The following RPH3AL variants were observed in gnomAD, a reference collection of about 807,000 sequenced individuals.
RPH3AL encodes the protein rab effector Noc2.
In RPH3AL, 38 loss-of-function variants were observed where a neutral mutation model predicts 43.1. That is an observed-to-expected ratio of 0.88 (90% confidence interval 0.68 to 1.15). The LOEUF (loss-of-function observed/expected upper bound fraction) is 1.15, where lower values mean the gene tolerates loss of function less well. Ranked by LOEUF, RPH3AL falls within the 50% of genes most tolerant of loss-of-function variation. RPH3AL has a pLI of 0.00. For synonymous variants in RPH3AL, 189 were observed against 176.3 expected, an observed-to-expected ratio of 1.07 and a Z score of -0.57; for missense variants, 462 against 423.2, an observed-to-expected ratio of 1.09 and a Z score of -0.81.
At chr17:269,308 T>C (rs1485061890) in intron 6 of RPH3AL, among the ~76,000 whole-genome samples, 1 of 152,190 alleles carries the variant, frequency 6.6e-6, no homozygotes, top group East Asian at 1.9e-4. Flanking sequence ...CTGACCTACT[T>C]ATTCTTTTTC....
At chr17:236,237 T>A (rs184512137) in intron 7 of RPH3AL, among the ~76,000 whole-genome samples, 1 of 152,362 alleles carries the variant, frequency 6.6e-6, no homozygotes, top group Non-Finnish European at 1.5e-5. Context: ...TGGGCTTGAA[T>A]GCTGCCATTG....
intron 5 of RPH3AL, among the ~76,000 whole-genome samples, chr17:284,802 G>A (rs2042866335): frequency 6.6e-6 from 1 of 152,212 alleles, no homozygotes. Context: ...AACAACAGAA[G>A]CATGTTTATC....
intron 7 of RPH3AL, among the ~76,000 whole-genome samples, chr17:233,669 C>T (rs1438007650): frequency 2.6e-5 from 4 of 152,204 alleles, no homozygotes; most frequent in East Asian, 3.9e-4. Context: ...TTTCTTGCAA[C>T]AGGCACCCCT....
chr17:315,867 C>T (rs113146406), intron 5 of RPH3AL, among the ~76,000 whole-genome samples: 1 of 8,798 alleles, frequency 1.1e-4, no homozygotes, highest in African/African-American at 2.4e-4. Flanking sequence ...AGTCCCTGTG[C>T]CCCCACCTCC....
chr17:308,353 G>A (rs1471942265), intron 5 of RPH3AL, among the ~76,000 whole-genome samples: 1 of 152,238 alleles, frequency 6.6e-6, no homozygotes, highest in Non-Finnish European at 1.5e-5. Flanking sequence ...TGCTTGTGGG[G>A]ATGTGAAATG....
intron 1 of RPH3AL, among the ~76,000 whole-genome samples, chr17:334,438 C>A (rs1264107396): frequency 1.3e-5 from 2 of 152,146 alleles, no homozygotes; most frequent in African/African-American, 4.8e-5. Flanking sequence ...ACCACCCCAG[C>A]AAGTGCAGCT....
At chr17:311,448 C>T (rs1410845354) in intron 5 of RPH3AL, among the ~76,000 whole-genome samples, 1 of 152,160 alleles carries the variant, frequency 6.6e-6, no homozygotes, top group Non-Finnish European at 1.5e-5. Flanking sequence ...GCCCAGCCTC[C>T]AGGGGCCCAC....
At position 230,733 on chromosome 17, in the gene RPH3AL, T is replaced by C. The variant is rs1022413690; in HGVS notation, c.614-10997A>G. ...CTATGCCCCCTGCCCACGACTTCACTGGGGTGCAGGACGTGCTTTCGGGTG... is the reference window on the plus strand; with the variant it reads ...CTATGCCCCCTGCCCACGACTTCACCGGGGTGCAGGACGTGCTTTCGGGTG... On this transcript the variant is annotated intron_variant, in intron 7 of 9. Coordinates refer to ENST00000331302, the MANE Select transcript of RPH3AL (RefSeq NM_006987.4). Among the ~76,000 whole-genome samples the C allele has an allele frequency of 6.2e-4, 94 of 152,334 alleles. 1 individual carries two copies. Among genetic ancestry groups the C allele is most frequent in the Non-Finnish European group, 2.8e-4 (19 of 68,020 alleles).
At chr17:248,393 T>C (rs2041814612) in intron 6 of RPH3AL, among the ~76,000 whole-genome samples, 1 of 152,144 alleles carries the variant, frequency 6.6e-6, no homozygotes, top group Admixed American at 6.5e-5. Context: ...CAGGAGCCCC[T>C]CTTGACCCTA....
Position 215,840 on chromosome 17 carries a change from C to G in RPH3AL, c.728-38G>C. ...ACGTGTGGGCCCCGTGGATCTCAAA[C>G]CGAGACGGGGTGATCTCAGTCCAGT... On this transcript the variant is annotated intron_variant, in intron 8 of 9. Coordinates refer to ENST00000331302, the MANE Select transcript of RPH3AL (RefSeq NM_006987.4). This position sits in a 1 kb window ranked among gnomAD's most constrained non-coding sequence, Gnocchi z 4.1. 7.7e-7 allele frequency: 1 copy of G among 1,302,832 alleles called. No individual in the cohort carries two copies. Among genetic ancestry groups the G allele is most frequent in the Non-Finnish European group, 9.8e-7 (1 of 1,022,544 alleles). 80.7% of individuals were successfully genotyped at this position (1,302,832 alleles called of 1,614,324 possible). A position where few individuals can be genotyped will look rare whatever the true frequency, so the allele number is the denominator to read the frequency against.
At chr17:308,127 G>A (rs977424549) in intron 5 of RPH3AL, among the ~76,000 whole-genome samples, 2 of 152,240 alleles carry the variant, frequency 1.3e-5, no homozygotes, top group African/African-American at 4.8e-5. Context: ...TTCCACGTCT[G>A]AATTAGGTCA....
At chr17:268,639 C>A (rs1479394808) in intron 6 of RPH3AL, among the ~76,000 whole-genome samples, 3 of 138,990 alleles carry the variant, frequency 2.2e-5, no homozygotes, top group African/African-American at 8.0e-5. Context: ...CGGCTCACTG[C>A]AGCCTCCGCC....
At chr17:291,174 A>C (rs936573150) in intron 5 of RPH3AL, among the ~76,000 whole-genome samples, 3 of 152,194 alleles carry the variant, frequency 2.0e-5, no homozygotes, top group African/African-American at 7.2e-5. Flanking sequence ...TATTCTAAGA[A>C]TGCCGAAAAC....
At chr17:269,862 G>A (rs879440780) in intron 6 of RPH3AL, among the ~76,000 whole-genome samples, 1 of 152,196 alleles carries the variant, frequency 6.6e-6, no homozygotes, top group Non-Finnish European at 1.5e-5. Flanking sequence ...ACAGACGTGG[G>A]CTCAGGTAGA....
chr17:343,578 C>T (rs192762032), intron 1 of RPH3AL, among the ~76,000 whole-genome samples: 15 of 152,284 alleles, frequency 9.9e-5, no homozygotes, highest in Non-Finnish European at 4.4e-5. Context: ...TTCTCTAAGG[C>T]TTGGGTGCAT....
rs950717073 is a variant in RPH3AL at position 253,757 on chromosome 17, T to C, written c.439-6472A>G. Among the ~76,000 whole-genome samples, 258 of 127,820 alleles carry C rather than the reference T, an allele frequency of 2.0e-3. 1 individual carries two copies. Among genetic ancestry groups the C allele is most frequent in the Non-Finnish European group, 2.8e-3 (164 of 57,546 alleles). 83.9% of individuals were successfully genotyped at this position (127,820 alleles called of 152,430 possible). A position where few individuals can be genotyped will look rare whatever the true frequency, so the allele number is the denominator to read the frequency against. ...TCCCTAGGAACGTGACTACCCTACG[T>C]ACTTCCTATGAGGGGAGCCGCACGG... On this transcript the variant is annotated intron_variant, in intron 6 of 9. Coordinates refer to ENST00000331302, the MANE Select transcript of RPH3AL (RefSeq NM_006987.4).
chr17:331,314 A>G, intron 2 of RPH3AL: 3 of 315,592 alleles, frequency 9.5e-6, no homozygotes, highest in South Asian at 5.3e-5. Context: ...GCAGAGATCA[A>G]GGGAGACGGA....
chr17:347,578 T>A (rs1241429008), intron 1 of RPH3AL, among the ~76,000 whole-genome samples: 1 of 141,922 alleles, frequency 7.0e-6, no homozygotes, highest in Non-Finnish European at 1.6e-5. Context: ...AGCAAGACTC[T>A]GTTCAAAAAA....
chr17:237,247 A>C (rs2041420987), intron 7 of RPH3AL, among the ~76,000 whole-genome samples: 1 of 152,208 alleles, frequency 6.6e-6, no homozygotes, highest in Non-Finnish European at 1.5e-5. Context: ...AATTTGTAAA[A>C]TCTGTCTAAC....
Sources: allele counts gnomAD v4.1 joint callset (sites outside exome capture counted in the v4.1 genomes callset), GRCh38; gene constraint gnomAD v4.1.1; non-coding constraint Gnocchi (gnomAD v3.1); transcripts MANE v1.5; gene names NCBI Gene and HGNC (gene_info 2026-07-23, HGNC 2026-07-21).